Variants in TFCP2L1 observed in about 807,000 individuals in gnomAD.
TFCP2L1 encodes the protein transcription factor CP2-like protein 1.
In TFCP2L1, 12 loss-of-function variants were observed where a neutral mutation model predicts 72.2. That is an observed-to-expected ratio of 0.17 (90% CI 0.11 to 0.27). TFCP2L1 has a LOEUF of 0.27. TFCP2L1 is among the 10% of genes least tolerant of loss of function. The pLI is 1.00. For synonymous variants in TFCP2L1, 260 were observed against 251.0 expected, an observed-to-expected ratio of 1.04 and a Z score of -0.34; for missense variants, 488 against 624.6, an observed-to-expected ratio of 0.78 and a Z score of 2.33.
At chr2:121,265,835 G>T (rs1686919469) in intron 2 of TFCP2L1, among the ~76,000 whole-genome samples, 1 of 148,920 alleles carries the variant, frequency 6.7e-6, no homozygotes, top group Non-Finnish European at 1.5e-5. Context: ...ATTCAGAGCA[G>T]ACTCTGTACA....
chr2:121,251,198 G>C (rs1370817451), intron 2 of TFCP2L1, among the ~76,000 whole-genome samples: 1 of 151,962 alleles, frequency 6.6e-6, no homozygotes, highest in East Asian at 2.0e-4. Flanking sequence ...AGAGGTTGCA[G>C]TGGGCCAAGA....
intron 2 of TFCP2L1, among the ~76,000 whole-genome samples, chr2:121,271,613 T>TAAATTC (rs1184013113): frequency 6.6e-6 from 1 of 152,222 alleles, no homozygotes; most frequent in African/African-American, 2.4e-5. Context: ...CCTCATTCCT[T>TAAATTC]AAATTCAAAG....
At chr2:121,225,495 TC>T (rs1686010340) in intron 14 of TFCP2L1, 66 bp downstream of exon 14, 20 of 1,476,982 alleles carry the variant, frequency 1.4e-5, no homozygotes, top group Non-Finnish European at 1.8e-5. Context: ...GAAGGGCCCA[TC>T]CTGCAGGCAG....
At chr2:121,266,832 C>T (rs1269390030) in intron 2 of TFCP2L1, among the ~76,000 whole-genome samples, 1 of 152,016 alleles carries the variant, frequency 6.6e-6, no homozygotes, top group Non-Finnish European at 1.5e-5. Context: ...GCTCTTTTTC[C>T]TTCAAAGTAT....
chr2:121,270,151 A>T (rs75509857), intron 2 of TFCP2L1, among the ~76,000 whole-genome samples: 2 of 152,094 alleles, frequency 1.3e-5, no homozygotes, highest in Non-Finnish European at 2.9e-5. Flanking sequence ...TTAAAAGAAG[A>T]CCCTATATTT....
At position 121,220,022 on chromosome 2, in the gene TFCP2L1, C is replaced by T. The variant is rs1034521608; in HGVS notation, c.*4319G>A. 8 of 150,728 alleles carry T rather than the reference C, an allele frequency of 5.3e-5. No homozygotes were observed. The highest frequency in any genetic ancestry group is 2.0e-4 in the East Asian group (1 of 5,110). 9.3% of individuals were successfully genotyped at this position (150,728 alleles called of 1,614,324 possible). A position where few individuals can be genotyped will look rare whatever the true frequency, so the allele number is the denominator to read the frequency against. ...CCCACCCCCGCCCAATCATCCACTG[C>T]TTTCTCACCCCCTCTGAGCGCCTAG... On this transcript the variant is annotated 3_prime_UTR_variant, in exon 15 of 15. Transcript: ENST00000263707.
intron 2 of TFCP2L1, among the ~76,000 whole-genome samples, chr2:121,254,110 G>A (rs1466259352): frequency 6.6e-6 from 1 of 152,208 alleles, no homozygotes; most frequent in Admixed American, 6.5e-5. Context: ...CTATGAGAAG[G>A]CGCGGGTCGT....
In TFCP2L1 at chr2:121,275,017, A is replaced by T. The variant is rs552724898; in HGVS notation, c.214+6103T>A. On this transcript the variant is annotated intron_variant, in intron 2 of 14. Transcript: ENST00000263707. ...ATTCTATTATGGGAGGCAGACACTA[A>T]AACAATTACACTGTATATTTTTTCC... Among the ~76,000 whole-genome samples the T allele has an allele frequency of 2.6e-5, 4 of 152,302 alleles. No homozygotes were observed. In the East Asian group the frequency reaches 7.7e-4, roughly 29 times the overall value.
At position 121,222,932 on chromosome 2, in the gene TFCP2L1, C is replaced by T. The variant is rs1486306355; in HGVS notation, c.*1409G>A. On this transcript the variant is annotated 3_prime_UTR_variant, in exon 15 of 15. Transcript: ENST00000263707. ...ATGACTAACAGAGCCCCTTTTATTCCGAGATGTCCTGGTTTATATGATAAA... is the reference window on the plus strand; with the variant it reads ...ATGACTAACAGAGCCCCTTTTATTCTGAGATGTCCTGGTTTATATGATAAA... 1.3e-5 allele frequency: 2 copies of T among 152,166 alleles called. No homozygotes were observed. Among genetic ancestry groups the T allele is most frequent in the African/African-American group, 4.8e-5 (2 of 41,444 alleles). 9.4% of individuals were successfully genotyped at this position (152,166 alleles called of 1,614,324 possible).
intron 6 of TFCP2L1, among the ~76,000 whole-genome samples, chr2:121,243,192 C>T (rs1196378147): frequency 6.6e-6 from 1 of 152,248 alleles, no homozygotes; most frequent in African/African-American, 2.4e-5. Context: ...CTTATGACCT[C>T]ATGCCTACTT....
At position 121,285,033 on chromosome 2, in the gene TFCP2L1, G is replaced by C; in HGVS notation, c.62+15C>G. Reference sequence around the variant, plus strand: ...GCCCGGCCCGAGACCCGCGGGGACCGCGCGCGGCCCTTACCGCAGGTAGCT... The same window carrying C: ...GCCCGGCCCGAGACCCGCGGGGACCCCGCGCGGCCCTTACCGCAGGTAGCT... On this transcript the variant is annotated intron_variant, in intron 1 of 14. Coordinates refer to ENST00000263707, the MANE Select transcript of TFCP2L1 (RefSeq NM_014553.3). 6.7e-7 allele frequency: 1 copy of C among 1,483,980 alleles called. No homozygotes were observed. The highest frequency in any genetic ancestry group is 9.0e-7 in the Non-Finnish European group (1 of 1,116,002). The allele number at this position is 1,483,980 out of a possible 1,614,324, so 91.9% of individuals were successfully genotyped here. A position where few individuals can be genotyped will look rare whatever the true frequency, so the allele number is the denominator to read the frequency against.
At chr2:121,241,644 C>T (rs1024602104) in intron 7 of TFCP2L1, among the ~76,000 whole-genome samples, 1 of 152,134 alleles carries the variant, frequency 6.6e-6, no homozygotes, top group Non-Finnish European at 1.5e-5. Context: ...CTGACACCCT[C>T]CAACCCCAGA....
chr2:121,256,008 TGG>T (rs960631454), intron 2 of TFCP2L1, among the ~76,000 whole-genome samples: 5 of 152,176 alleles, frequency 3.3e-5, no homozygotes, highest in African/African-American at 1.2e-4. Context: ...CCCAAAGTGC[TGG>T]GATTACAGGC....
rs911477662 is a variant in TFCP2L1, at chr2:121,217,870, C to G, written c.*6471G>C. On this transcript the variant is annotated 3_prime_UTR_variant, in exon 15 of 15. Transcript: ENST00000263707. ...AGGGCTCTGCATTCCCACCACGAGG[C>G]GGGGTGGACTCTGCAGGAGCCAGCT... 1 of 152,256 alleles carries G rather than the reference C, an allele frequency of 6.6e-6. No individual in the cohort carries two copies. The highest frequency in any genetic ancestry group is 1.5e-5 in the Non-Finnish European group (1 of 68,082). 9.4% of individuals were successfully genotyped at this position (152,256 alleles called of 1,614,324 possible).
At position 121,237,686 on chromosome 2, in the gene TFCP2L1, C is replaced by A. The variant is rs1296657941; in HGVS notation, c.940G>T (p.Ala314Ser). The part of the protein sequence containing the change: ...HLLPSASIQD[A>S]QQWLHRNRFS... ...CTGTTGCGGTGAAGCCACTGCTGGG[C>A]ATCCTGGATCGAAGCTGATGGGAGC... The change falls in exon 10 of 15, where the codon GCC (alanine) becomes TCC (serine). Residue 314 changes from alanine to serine, a missense_variant. By Grantham distance (99) the Ala-to-Ser change is moderately conservative (BLOSUM62 1). Around this residue, in one of 3 missense-constraint regions of TFCP2L1, gnomAD observed 286 missense variants for 329.0 expected, o/e 0.87. Transcript: ENST00000263707. 1 of 1,614,208 alleles carries A rather than the reference C, an allele frequency of 6.2e-7. No individual in the cohort carries two copies. Among genetic ancestry groups the A allele is most frequent in the Admixed American group, 1.7e-5 (1 of 60,020 alleles).
intron 2 of TFCP2L1, among the ~76,000 whole-genome samples, chr2:121,277,816 T>A (rs1687175980): frequency 6.6e-6 from 1 of 152,210 alleles, no homozygotes; most frequent in Non-Finnish European, 1.5e-5. Flanking sequence ...AAGATATATA[T>A]ACAAACATGT....
chr2:121,233,556 T>G (rs1041677758), intron 12 of TFCP2L1, among the ~76,000 whole-genome samples: 1 of 152,170 alleles, frequency 6.6e-6, no homozygotes, highest in Non-Finnish European at 1.5e-5. Context: ...CCTCCCCAGG[T>G]GCTGGAATTA....
At chr2:121,243,465 A>G (rs1558733497) in intron 6 of TFCP2L1, among the ~76,000 whole-genome samples, 1 of 152,186 alleles carries the variant, frequency 6.6e-6, no homozygotes, top group Admixed American at 6.5e-5. Flanking sequence ...CCTGTTAGGA[A>G]CTGGGCCCCA....
At position 121,248,144 on chromosome 2, in the gene TFCP2L1, GC is replaced by G. The variant is rs1370412342; in HGVS notation, c.504+19del. 1 of 1,609,068 alleles carries G rather than the reference GC, an allele frequency of 6.2e-7. No individual in the cohort carries two copies. Among genetic ancestry groups the G allele is most frequent in the East Asian group, 2.2e-5 (1 of 44,808 alleles). ...CAAAGACTAGGTCTTCCCCTGGAGG[GC>G]AAGCTCCCTGTGGCCCACCTGAATG... is the stretch of plus-strand genomic sequence containing the variant. On this transcript the variant is annotated intron_variant, in intron 5 of 14. Coordinates refer to ENST00000263707, the MANE Select transcript of TFCP2L1 (RefSeq NM_014553.3).
Sources: gnomAD v4.1 joint callset for allele counts (sites outside exome capture counted in the v4.1 genomes callset) on GRCh38, gnomAD v4.1.1 for gene constraint, gnomAD v4.1.1 regional missense constraint, MANE v1.5 for transcripts, NCBI Gene and HGNC (gene_info 2026-07-23, HGNC 2026-07-21) for gene names.